Variants in PRAG1 observed in about 807,000 individuals in gnomAD.
The protein encoded by PRAG1 is inactive tyrosine-protein kinase PRAG1.
PRAG1 carries 110 observed loss-of-function variants against 95.6 expected under a neutral mutation model. The ratio of observed to expected loss-of-function variants is 1.15; its 90% CI spans 0.99 to 1.35. The LOEUF (loss-of-function observed/expected upper bound fraction) is 1.35. Among genes scored for constraint, PRAG1 ranks in the 40% most tolerant of loss-of-function variants. PRAG1 has a pLI of 0.00. For synonymous variants in PRAG1, 1,052 were observed against 819.4 expected (o/e 1.28, Z -4.85); for missense variants, 2,554 against 1,864.7 (o/e 1.37, Z -6.81).
intron 4 of PRAG1, among the ~76,000 whole-genome samples, chr8:8,332,318 C>A (rs992639717): frequency 2.0e-5 from 3 of 148,964 alleles, no homozygotes; most frequent in Non-Finnish European, 2.9e-5. Flanking sequence ...CCCACCATCA[C>A]GCCCAGCTAA....
intron 3 of PRAG1, among the ~76,000 whole-genome samples, chr8:8,358,169 G>A (rs544028374): frequency 6.6e-6 from 1 of 152,266 alleles, no homozygotes; most frequent in South Asian, 2.1e-4. Flanking sequence ...ATTTGTTAGA[G>A]CTGCACATAG....
At chr8:8,337,732 T>G (rs925524645) in intron 4 of PRAG1, among the ~76,000 whole-genome samples, 2 of 152,204 alleles carry the variant, frequency 1.3e-5, no homozygotes, top group Non-Finnish European at 2.9e-5. Context: ...TTAATTCATG[T>G]TATTCAGAAA....
intron 3 of PRAG1, among the ~76,000 whole-genome samples, chr8:8,352,690 T>C (rs1226833921): frequency 6.6e-6 from 1 of 152,246 alleles, no homozygotes; most frequent in Non-Finnish European, 1.5e-5. Flanking sequence ...CCTTCATCTC[T>C]ACCTCTACTC....
rs769325354 is a variant in PRAG1 at position 8,376,421 on chromosome 8, G to C, written c.1988C>G (p.Thr663Arg). The part of the protein sequence containing the change: ...SWGRETKNGP[T>R]DHSNSTTWHR... ...CCAGGTCGTGGAGTTTGAATGGTCCGTGGGGCCATTTTTGGTCTCTCTTCC... is the reference window on the plus strand; with the variant it reads ...CCAGGTCGTGGAGTTTGAATGGTCCCTGGGGCCATTTTTGGTCTCTCTTCC... Residue 663 changes from threonine to arginine, a missense_variant, in exon 3 of 6, where the codon ACG (threonine) becomes AGG (arginine). Thr to Arg is a moderately conservative substitution (Grantham distance 71, BLOSUM62 -1). Coordinates refer to ENST00000615670, the MANE Select transcript of PRAG1 (RefSeq NM_001080826.3). 1.9e-6 allele frequency: 3 copies of C among 1,614,064 alleles called. No individual in the cohort carries two copies. Among genetic ancestry groups the C allele is most frequent in the Non-Finnish European group, 2.5e-6 (3 of 1,180,052 alleles).
intron 3 of PRAG1, among the ~76,000 whole-genome samples, chr8:8,369,649 C>T (rs1348617593): frequency 6.6e-6 from 1 of 151,928 alleles, no homozygotes; most frequent in Non-Finnish European, 1.5e-5. Flanking sequence ...GATGGTTAAG[C>T]ATGCACTTTA....
At chr8:8,373,270 T>C (rs1800273270) in intron 3 of PRAG1, among the ~76,000 whole-genome samples, 1 of 152,120 alleles carries the variant, frequency 6.6e-6, no homozygotes, top group Non-Finnish European at 1.5e-5. Context: ...GTTCCAGAAT[T>C]AAAAGTCAGC....
At chr8:8,330,505 C>T (rs1015300655) in intron 4 of PRAG1, among the ~76,000 whole-genome samples, 6 of 152,278 alleles carry the variant, frequency 3.9e-5, no homozygotes, top group South Asian at 2.1e-4. Flanking sequence ...TAATGATAGG[C>T]GGGGCCCCTG....
intron 3 of PRAG1, among the ~76,000 whole-genome samples, chr8:8,366,117 A>AACT (rs1799995869): frequency 6.6e-6 from 1 of 152,206 alleles, no homozygotes; most frequent in Admixed American, 6.5e-5. Context: ...ACTTAATAGT[A>AACT]ACTGTTATTT....
At position 8,377,449 on chromosome 8, in the gene PRAG1, TG is replaced by T; in HGVS notation, c.959del (p.Pro320HisfsTer50). On this transcript the variant is annotated frameshift_variant, in exon 3 of 6. Transcript: ENST00000615670. LOFTEE classifies it high-confidence loss of function. ...ECCSQGPTAH[P>X]SCLGPKKLSL... ...ACAGTTTCTTGGGGCCCAGGCAGGA[TG>T]GGTGGGCAGTGGGGCCCTGGCTACA... is the stretch of plus-strand genomic sequence containing the variant. 2 of 1,553,434 alleles carry T rather than the reference TG, an allele frequency of 1.3e-6. No homozygotes were observed. The highest frequency in any genetic ancestry group is 1.9e-5 in the Admixed American group (1 of 52,550).
intron 3 of PRAG1, among the ~76,000 whole-genome samples, chr8:8,371,121 G>A (rs1333921648): frequency 2.5e-5 from 3 of 118,086 alleles, no homozygotes; most frequent in African/African-American, 1.0e-4. Flanking sequence ...GAGCGACAGA[G>A]ATTCTGTCTC....
In PRAG1 at chr8:8,377,914, G is replaced by GTGCA. The variant is rs775550633; in HGVS notation, c.491_494dup (p.Asn166AlafsTer4). 6.2e-7 allele frequency: 1 copy of GTGCA among 1,614,104 alleles called. No individual in the cohort carries two copies. Among genetic ancestry groups the GTGCA allele is most frequent in the Admixed American group, 1.7e-5 (1 of 60,022 alleles). ...TCCTCTCGCCGCGGGGCTCAAGGTT[G>GTGCA]TGCAGGCCGACCATGGTGTAAGCTG... On this transcript the variant is annotated frameshift_variant, in exon 3 of 6. Transcript: ENST00000615670. LOFTEE classifies it high-confidence loss of function.
At chr8:8,323,344 A>AT (rs1798531680) in intron 5 of PRAG1, among the ~76,000 whole-genome samples, 3 of 139,112 alleles carry the variant, frequency 2.2e-5, no homozygotes, top group Non-Finnish European at 4.6e-5. Context: ...TTTGAGATAG[A>AT]GTCTTGCTCT....
intron 5 of PRAG1, among the ~76,000 whole-genome samples, chr8:8,324,028 C>G (rs1262956232): frequency 3.3e-5 from 5 of 152,182 alleles, no homozygotes; most frequent in African/African-American, 1.2e-4. Context: ...CCTCGTAGGG[C>G]CATTGTGAGG....
Position 8,318,114 on chromosome 8 carries a change from G to C in PRAG1, c.*40C>G, listed in dbSNP as rs1272094653. On this transcript the variant is annotated 3_prime_UTR_variant, in exon 6 of 6. Transcript: ENST00000615670. This position sits in a 1 kb window ranked among gnomAD's most constrained non-coding sequence, Gnocchi z 4.2. ...TCCAAGGCGAGACAGGAAAGGGTTA[G>C]GCAGGGAAGGGGCAGCGACGGTGCA... 3 of 1,568,508 alleles carry C rather than the reference G, an allele frequency of 1.9e-6. No individual in the cohort carries two copies. Among genetic ancestry groups the C allele is most frequent in the Non-Finnish European group, 2.6e-6 (3 of 1,157,242 alleles).
intron 4 of PRAG1, among the ~76,000 whole-genome samples, chr8:8,334,375 G>A (rs2976947): frequency 0.13 from 20,406 of 151,218 alleles, 1,627 homozygotes; most frequent in East Asian, 0.27. Context: ...AGTGGAGGTT[G>A]CAATGAGCTG....
At chr8:8,360,822 G>C (rs936107868) in intron 3 of PRAG1, among the ~76,000 whole-genome samples, 49 of 152,222 alleles carry the variant, frequency 3.2e-4, no homozygotes, top group African/African-American at 1.1e-3. Context: ...GAATCCCCTT[G>C]ATTATTATTT....
intron 3 of PRAG1, among the ~76,000 whole-genome samples, chr8:8,354,536 A>T (rs1799627165): frequency 6.6e-6 from 1 of 152,236 alleles, no homozygotes; most frequent in South Asian, 2.1e-4. Flanking sequence ...TTCTCAATAA[A>T]GTATTGCAGA....
chr8:8,327,726 C>T lies in PRAG1; in HGVS notation c.3056G>A (p.Ser1019Asn), dbSNP rs1027944664. ...YCATCSEDPG[S>N]TYAVKICKAP... ...GGTACCTACTTTCACAGCATAGGTG[C>T]TGCCGGGGTCCTCAGAGCAGGTGGC... Residue 1019 changes from serine to asparagine, a missense_variant, in exon 5 of 6, where the codon AGC (serine) becomes AAC (asparagine). Ser to Asn is a conservative substitution (Grantham distance 46). Transcript: ENST00000615670. The T allele has an allele frequency of 2.5e-6, 4 of 1,612,878 alleles. No homozygotes were observed. In the African/African-American group the frequency reaches 5.3e-5, roughly 22 times the overall value.
intron 2 of PRAG1, among the ~76,000 whole-genome samples, chr8:8,379,295 G>C (rs1800554597): frequency 6.6e-6 from 1 of 152,204 alleles, no homozygotes; most frequent in Non-Finnish European, 1.5e-5. Flanking sequence ...ATGAGACAGA[G>C]ATGTGGACTG....
Sources: allele counts gnomAD v4.1 joint callset (sites outside exome capture counted in the v4.1 genomes callset), GRCh38; gene constraint gnomAD v4.1.1; non-coding constraint Gnocchi (gnomAD v3.1); transcripts MANE v1.5; gene names NCBI Gene and HGNC (gene_info 2026-07-23, HGNC 2026-07-21).